Variants in PSMB6 observed in about 807,000 individuals in gnomAD.
PSMB6 encodes the protein proteasome 20S subunit beta 6, also known as proteasome subunit beta type-6.
Under a neutral mutation model 28.2 loss-of-function variants are expected in PSMB6, and 11 were observed. The ratio of observed to expected loss-of-function variants is 0.39; its 90% CI spans 0.25 to 0.65. The LOEUF (loss-of-function observed/expected upper bound fraction) is 0.65. PSMB6 is among the 30% of genes least tolerant of loss of function. The probability of loss-of-function intolerance (pLI) is 0.48; values close to 1 mark genes in which losing one functional copy is unlikely to be tolerated. For missense variants in PSMB6, 268 were observed against 319.4 expected (o/e 0.84, Z 1.23); for synonymous variants, 126 against 117.7 (o/e 1.07, Z -0.45).
chr17:4,797,272 G>A (rs758729584), intron 2 of PSMB6, 166 bp from the exon 3 acceptor site: 12 of 808,082 alleles, frequency 1.5e-5, no homozygotes, highest in South Asian at 4.1e-5. Context: ...CAGAGATCGC[G>A]TCACTGTACT....
At chr17:4,797,056 GTAA>G in intron 2 of PSMB6, 1 of 493,176 alleles carries the variant, frequency 2.0e-6, no homozygotes, top group African/African-American at 2.0e-5. Flanking sequence ...GCTCACGCCT[GTAA>G]TCCCAGTACT....
chr17:4,796,678 GT>G (rs1567516992), intron 1 of PSMB6, 49 bp from the exon 2 acceptor site: 1 of 1,482,786 alleles, frequency 6.7e-7, no homozygotes, highest in Non-Finnish European at 9.4e-7. Context: ...GATCATTGAG[GT>G]TTGTGTCTGC....
chr17:4,798,094 T>C lies in PSMB6; in HGVS notation c.518T>C (p.Val173Ala). The C allele has an allele frequency of 1.2e-6, 2 of 1,614,212 alleles. No homozygotes were observed. The highest frequency in any genetic ancestry group is 2.2e-5 in the East Asian group (1 of 44,890). The stretch of plus-strand genomic sequence containing the variant: ...GGGAGCTCCTACATCTATGGCTATG[T>C]TGATGCTACCTACCGGGAAGGCATG... The part of the protein sequence containing the change: ...GSGSSYIYGY[V>A]DATYREGMTK... The change falls in exon 5 of 6, where the codon GTT (valine) becomes GCT (alanine). Residue 173 changes from valine to alanine, a missense_variant. Transcript: ENST00000270586.
At position 4,796,602 on chromosome 17, in the gene PSMB6, G is replaced by T. The variant is rs142209646; in HGVS notation, c.103-126G>T. 450 of 922,236 alleles carry T rather than the reference G, an allele frequency of 4.9e-4. 1 individual carries two copies. The African/African-American group carries it at 6.2e-3, about 13-fold the overall frequency. The allele number at this position is 922,236 out of a possible 1,614,324, so 57.1% of individuals were successfully genotyped here. On this transcript the variant is annotated intron_variant, in intron 1 of 5. Coordinates refer to ENST00000270586, the MANE Select transcript of PSMB6 (RefSeq NM_002798.3). The stretch of plus-strand genomic sequence containing the variant: ...TTCTGGTATTCTGCGGGGTGCTGAG[G>T]CCCCTATAAGATTTGAAAATGGTTC...
At chr17:4,796,426 G>T in intron 1 of PSMB6, 130 bp downstream of exon 1, 1 of 809,696 alleles carries the variant, frequency 1.2e-6, no homozygotes, top group Non-Finnish European at 2.0e-6. Context: ...CAGGAATGGG[G>T]AGAGGTACCC....
chr17:4,796,762 T>C lies in PSMB6; in HGVS notation c.137T>C (p.Val46Ala). ...ATGGCCGTGCAGTTTGACGGGGGCG[T>C]GGTTCTGGGGGCGGACTCCAGAACA... ...TIMAVQFDGGVVLGADSRTTT... is the reference protein window; with the variant it reads ...TIMAVQFDGGAVLGADSRTTT... The change falls in exon 2 of 6, where the codon GTG becomes GCG. Residue 46 changes from valine (V) to alanine (A), a missense_variant. Val to Ala is a moderately conservative substitution (Grantham distance 64). Transcript: ENST00000270586. The C allele has an allele frequency of 6.2e-7, 1 of 1,610,284 alleles. No homozygotes were observed. Among genetic ancestry groups the C allele is most frequent in the East Asian group, 2.2e-5 (1 of 44,844 alleles).
intron 3 of PSMB6, 29 bp downstream of exon 3, chr17:4,797,598 T>A (rs1163243391): frequency 6.3e-7 from 1 of 1,595,708 alleles, no homozygotes; most frequent in Non-Finnish European, 8.6e-7. Flanking sequence ...GGGGCAAGTA[T>A]CTGAAGGGAG....
Position 4,798,481 on chromosome 17 carries a change from G to A in PSMB6, c.*59G>A. On this transcript the variant is annotated 3_prime_UTR_variant, in exon 6 of 6. Transcript: ENST00000270586. ...CTGTACTGATGCAAAATTTAATAAA[G>A]TTTGTCACAGAGAATCTTTGTACTT... 1 of 1,534,024 alleles carries A rather than the reference G, an allele frequency of 6.5e-7. No homozygotes were observed. Among genetic ancestry groups the A allele is most frequent in the Non-Finnish European group, 8.8e-7 (1 of 1,136,926 alleles).
intron 2 of PSMB6, chr17:4,797,216 A>G (rs1272883530): frequency 7.6e-6 from 4 of 529,658 alleles, no homozygotes; most frequent in African/African-American, 5.8e-5. Context: ...TTGGGAGGCT[A>G]GGGCTAGAGA....
intron 2 of PSMB6, 123 bp from the exon 3 acceptor site, chr17:4,797,315 A>G: frequency 7.8e-7 from 1 of 1,288,294 alleles, no homozygotes. Context: ...ACTCCATCTC[A>G]AAGAAAAAGG....
chr17:4,796,554 C>CTT (rs1030676294), intron 1 of PSMB6, among the ~76,000 whole-genome samples, 174 bp from the exon 2 acceptor site: 3 of 152,022 alleles, frequency 2.0e-5, no homozygotes, highest in Admixed American at 2.0e-4. Flanking sequence ...CGGGATGAGT[C>CTT]TTTTGAGATT....
intron 4 of PSMB6, 31 bp downstream of exon 4, chr17:4,797,842 G>C (rs1461800184): frequency 6.2e-7 from 1 of 1,612,550 alleles, no homozygotes; most frequent in Non-Finnish European, 8.5e-7. Context: ...GAGCACACTT[G>C]AGCCAGGACT....
chr17:4,796,879 GACCA>G, intron 2 of PSMB6, 84 bp downstream of exon 2: 15 of 1,165,640 alleles, frequency 1.3e-5, no homozygotes, highest in Non-Finnish European at 1.8e-5. Flanking sequence ...TGCCTCCACA[GACCA>G]CTGTGGGAAG....
At chr17:4,796,433 AC>A in intron 1 of PSMB6, 137 bp downstream of exon 1, 1 of 783,218 alleles carries the variant, frequency 1.3e-6, no homozygotes, top group Non-Finnish European at 2.1e-6. Flanking sequence ...GGGGAGAGGT[AC>A]CCCGAAGATG....
rs748372440 is a variant in PSMB6 at position 4,796,815 on chromosome 17, G to A, written c.170+20G>A. ...CACTGGGTGAGCTCAGGACAGATTTGTGAAAGGTCTTCCCATCTTCCTTTT... is the reference window on the plus strand; with the variant it reads ...CACTGGGTGAGCTCAGGACAGATTTATGAAAGGTCTTCCCATCTTCCTTTT... On this transcript the variant is annotated intron_variant, in intron 2 of 5. Transcript: ENST00000270586. The A allele has an allele frequency of 6.4e-7, 1 of 1,566,176 alleles. No homozygotes were observed. Among genetic ancestry groups the A allele is most frequent in the Middle Eastern group, 1.7e-4 (1 of 5,962 alleles).
At chr17:4,796,939 G>C in intron 2 of PSMB6, 144 bp downstream of exon 2, 1 of 716,070 alleles carries the variant, frequency 1.4e-6, no homozygotes. Context: ...CCCAACTTTT[G>C]TTACTTTCAG....
intron 1 of PSMB6, 95 bp downstream of exon 1, chr17:4,796,391 AGAG>A: frequency 9.7e-7 from 1 of 1,028,942 alleles, no homozygotes; most frequent in South Asian, 1.5e-5. Flanking sequence ...GCAGGGGTGG[AGAG>A]GAGGTGGAAT....
intron 4 of PSMB6, 37 bp from the exon 5 acceptor site, chr17:4,797,972 G>T: frequency 6.2e-7 from 1 of 1,613,126 alleles, no homozygotes; most frequent in African/African-American, 1.3e-5. Flanking sequence ...GTTGGAGGGA[G>T]GATACGACTG....
chr17:4,798,298 A>C lies in PSMB6; in HGVS notation c.596A>C (p.Glu199Ala), dbSNP rs1392168790. 4 of 1,614,038 alleles carry C rather than the reference A, an allele frequency of 2.5e-6. No homozygotes were observed. In the African/African-American group the frequency reaches 5.3e-5, roughly 22 times the overall value. ...TCCACAGCTCTCGCTTTGGCCATGG[A>C]GCGGGATGGCTCCAGTGGAGGAGTG... ...FTANALALAM[E>A]RDGSSGGVIR... Residue 199 changes from glutamate (E) to alanine (A), a missense_variant, in exon 6 of 6, where the codon GAG becomes GCG. Physicochemically the swap from Glu to Ala is moderately radical, Grantham distance 107. Transcript: ENST00000270586.
Sources: allele counts gnomAD v4.1 joint callset (sites outside exome capture counted in the v4.1 genomes callset), GRCh38; gene constraint gnomAD v4.1.1; transcripts MANE v1.5; gene names NCBI Gene and HGNC (gene_info 2026-07-23, HGNC 2026-07-21).